The following AGR2 variants were observed in gnomAD, a reference collection of about 807,000 sequenced individuals.
The protein encoded by AGR2 is anterior gradient 2, protein disulphide isomerase family member, also known as anterior gradient protein 2 homolog.
In AGR2, 27 loss-of-function variants were observed where a neutral mutation model predicts 25.9. The observed-to-expected ratio is 1.04, with a 90% CI of 0.77 to 1.44. AGR2 has a LOEUF of 1.44. Ranked by LOEUF, AGR2 falls within the 40% of genes most tolerant of loss-of-function variation. AGR2 has a pLI of 0.00. For synonymous variants in AGR2, 78 were observed against 72.0 expected (o/e 1.08, Z -0.42); for missense variants, 182 against 200.9 (o/e 0.91, Z 0.57).
chr7:16,797,316 C>T (rs886218848), intron 6 of AGR2, among the ~76,000 whole-genome samples: 1 of 152,178 alleles, frequency 6.6e-6, no homozygotes, highest in East Asian at 1.9e-4. Context: ...TAAATATTTG[C>T]AGGCCTCTCG....
intron 5 of AGR2, among the ~76,000 whole-genome samples, chr7:16,798,255 C>T (rs1785081880): frequency 6.6e-6 from 1 of 152,176 alleles, no homozygotes; most frequent in Non-Finnish European, 1.5e-5. Context: ...ATGCAGATTC[C>T]ACCCCGACTA....
In AGR2 at chr7:16,803,867, T is replaced by G. The variant is rs558728089; in HGVS notation, c.-8+1068A>C. On this transcript the variant is annotated intron_variant, in intron 1 of 7. Coordinates refer to ENST00000419304, the MANE Select transcript of AGR2 (RefSeq NM_006408.4). ...TGGTTCAGAAACATATGGCAAATAA[T>G]TTCTTTGAATCTATCAACAAACATT... 2.6e-5 allele frequency among the ~76,000 whole-genome samples: 4 copies of G among 152,344 alleles called. No individual in the cohort carries two copies. The South Asian group carries it at 8.3e-4, about 32-fold the overall frequency.
chr7:16,798,926 G>A (rs1210701546), intron 5 of AGR2, among the ~76,000 whole-genome samples: 1 of 152,240 alleles, frequency 6.6e-6, no homozygotes, highest in Non-Finnish European at 1.5e-5. Flanking sequence ...CTGGAATATG[G>A]TTGGATAGAC....
chr7:16,801,925 C>G (rs370236067), intron 1 of AGR2, 122 bp from the exon 2 acceptor site: 2 of 739,206 alleles, frequency 2.7e-6, no homozygotes, highest in African/African-American at 1.8e-5. Context: ...ACTGGACATA[C>G]GAGATTGGCG....
chr7:16,795,780 G>A (rs528340515), intron 6 of AGR2, among the ~76,000 whole-genome samples: 1 of 152,296 alleles, frequency 6.6e-6, no homozygotes, highest in Non-Finnish European at 1.5e-5. Flanking sequence ...CACGTGCCCT[G>A]AAAATGAGAC....
intron 6 of AGR2, among the ~76,000 whole-genome samples, chr7:16,796,240 T>A (rs1195691580): frequency 6.6e-6 from 1 of 152,218 alleles, no homozygotes; most frequent in Non-Finnish European, 1.5e-5. Context: ...TTCTTAGGAC[T>A]GAAGGAATTG....
chr7:16,804,316 T>G (rs939809532), intron 1 of AGR2, among the ~76,000 whole-genome samples: 1 of 151,746 alleles, frequency 6.6e-6, no homozygotes, highest in African/African-American at 2.4e-5. Flanking sequence ...AAGCCAGCAC[T>G]TTTTACTCAT....
At position 16,801,886 on chromosome 7, in the gene AGR2, A is replaced by T; in HGVS notation, c.-7-83T>A. ...TCTGCAGGTTGCCCCACAACGGTGG[A>T]ATATACCAGAAACTGAGGCTCTGCT... On this transcript the variant is annotated intron_variant, in intron 1 of 7. Transcript: ENST00000419304. The T allele has an allele frequency of 2.5e-6, 3 of 1,217,100 alleles. No homozygotes were observed. In the South Asian group the frequency reaches 4.6e-5, roughly 19 times the overall value. 75.4% of individuals were successfully genotyped at this position (1,217,100 alleles called of 1,614,324 possible). A position where few individuals can be genotyped will look rare whatever the true frequency, so the allele number is the denominator to read the frequency against.
chr7:16,801,169 C>A lies in AGR2; in HGVS notation c.238G>T (p.Glu80Ter). Residue 80 changes from glutamate (E) to a stop codon, truncating the protein, a stop_gained, in exon 4 of 8, where the codon GAG (glutamate) becomes TAG (stop). Coordinates refer to ENST00000419304, the MANE Select transcript of AGR2 (RefSeq NM_006408.4). LOFTEE classifies it high-confidence loss of function. ...AAATTACCTTGACTGTGTGGGCACT[C>A]ATCCAAGTGATGAATAATCATCAAG... ...KPLMIIHHLD[E>*]CPHSQALKKV... 2 of 1,613,840 alleles carry A rather than the reference C, an allele frequency of 1.2e-6. No individual in the cohort carries two copies. Among genetic ancestry groups the A allele is most frequent in the South Asian group, 2.2e-5 (2 of 91,050 alleles).
chr7:16,801,868 G>A (rs1157925781), intron 1 of AGR2, 65 bp from the exon 2 acceptor site: 6 of 1,473,182 alleles, frequency 4.1e-6, no homozygotes, highest in Non-Finnish European at 5.5e-6. Context: ...GGGTCTGCAG[G>A]TTGCCCCACA....
chr7:16,797,569 GAGA>G, intron 6 of AGR2, 59 bp downstream of exon 6: 1 of 1,474,332 alleles, frequency 6.8e-7, no homozygotes, highest in Non-Finnish European at 9.5e-7. Context: ...GTGGGGAGGA[GAGA>G]AGGAGGATGG....
At chr7:16,800,318 G>T (rs574033805) in intron 4 of AGR2, among the ~76,000 whole-genome samples, 1 of 152,302 alleles carries the variant, frequency 6.6e-6, no homozygotes, top group Admixed American at 6.5e-5. Flanking sequence ...GTCCATTTTG[G>T]GGTAGGCCAC....
At chr7:16,794,390 G>A (rs557538473) in intron 7 of AGR2, among the ~76,000 whole-genome samples, 9 of 152,264 alleles carry the variant, frequency 5.9e-5, no homozygotes, top group South Asian at 4.2e-4. Flanking sequence ...TAGCTACAGC[G>A]TTGCATTGAG....
At chr7:16,804,206 C>G (rs185385719) in intron 1 of AGR2, among the ~76,000 whole-genome samples, 7 of 148,860 alleles carry the variant, frequency 4.7e-5, no homozygotes, top group African/African-American at 1.5e-4. Flanking sequence ...CCTGCATAAA[C>G]CACCTCAAAA....
intron 4 of AGR2, among the ~76,000 whole-genome samples, chr7:16,800,376 G>A (rs1195380731): frequency 6.6e-6 from 1 of 152,216 alleles, no homozygotes; most frequent in Admixed American, 6.5e-5. Flanking sequence ...GTGGGAATGA[G>A]CTCACCTGTG....
chr7:16,795,936 C>A (rs1379007539), intron 6 of AGR2, among the ~76,000 whole-genome samples: 2 of 152,174 alleles, frequency 1.3e-5, no homozygotes, highest in Non-Finnish European at 2.9e-5. Context: ...AGATTTAAGA[C>A]CAACTATACT....
chr7:16,799,421 G>T (rs375918828), intron 5 of AGR2, among the ~76,000 whole-genome samples: 20 of 152,092 alleles, frequency 1.3e-4, no homozygotes, highest in Admixed American at 4.6e-4. Flanking sequence ...AGATGACCAG[G>T]ATTAAGAATG....
chr7:16,798,904 A>C (rs1785093608), intron 5 of AGR2, among the ~76,000 whole-genome samples: 1 of 152,266 alleles, frequency 6.6e-6, no homozygotes, highest in African/African-American at 2.4e-5. Context: ...GTTTAAGCTG[A>C]TTATGAGATA....
intron 4 of AGR2, among the ~76,000 whole-genome samples, chr7:16,800,911 G>A (rs898552074): frequency 6.6e-6 from 1 of 152,116 alleles, no homozygotes; most frequent in African/African-American, 2.4e-5. Context: ...TATTGAATGT[G>A]GACTGTAAGA....
Sources: allele counts gnomAD v4.1 joint callset (sites outside exome capture counted in the v4.1 genomes callset), GRCh38; gene constraint gnomAD v4.1.1; transcripts MANE v1.5; gene names NCBI Gene and HGNC (gene_info 2026-07-23, HGNC 2026-07-21).